Variants in SMG1 observed in about 807,000 individuals in gnomAD.
SMG1 encodes serine/threonine-protein kinase SMG1.
Under a neutral mutation model 419.9 loss-of-function variants are expected in SMG1, and 22 were observed. That is an observed-to-expected ratio of 0.05 (90% CI 0.04 to 0.07). SMG1 has a LOEUF of 0.07. SMG1 is among the 10% of genes least tolerant of loss of function. The pLI is 1.00. For missense variants in SMG1, 3,185 were observed against 4,342.0 expected, an observed-to-expected ratio of 0.73 and a Z score of 7.49; for synonymous variants, 1,538 against 1,553.5, an observed-to-expected ratio of 0.99 and a Z score of 0.23.
At chr16:18,810,795 T>G (rs569507364) in intron 62 of SMG1, among the ~76,000 whole-genome samples, 1 of 152,290 alleles carries the variant, frequency 6.6e-6, no homozygotes, top group South Asian at 2.1e-4. Flanking sequence ...GCTACAGTAT[T>G]ATAGTATTTT....
Position 18,806,145 on chromosome 16 carries a change from C to T in SMG1, c.*3424G>A, listed in dbSNP as rs546072820. 4.6e-5 allele frequency: 7 copies of T among 152,596 alleles called. No homozygotes were observed. Among genetic ancestry groups the T allele is most frequent in the Admixed American group, 3.9e-4 (6 of 15,286 alleles). 9.5% of individuals were successfully genotyped at this position (152,596 alleles called of 1,614,324 possible). On this transcript the variant is annotated 3_prime_UTR_variant, in exon 63 of 63. Coordinates refer to ENST00000446231, the MANE Select transcript of SMG1 (RefSeq NM_015092.5). ...TTGGCTGTACTTGCATTGCCCTGCT[C>T]GGCATTTTTAAAAAATGGCTCTTTC...
At chr16:18,844,096 G>C (rs943019741) in intron 39 of SMG1, among the ~76,000 whole-genome samples, 1 of 151,528 alleles carries the variant, frequency 6.6e-6, no homozygotes, top group Non-Finnish European at 1.5e-5. Context: ...TTGATTTACT[G>C]AAAGGGAAAC....
chr16:18,845,475 G>A lies in SMG1; in HGVS notation c.6173C>T (p.Pro2058Leu), dbSNP rs1596507691. 2.5e-6 allele frequency: 4 copies of A among 1,613,880 alleles called. No individual in the cohort carries two copies. In the East Asian group the frequency reaches 6.7e-5, roughly 27 times the overall value. The change falls in exon 39 of 63, where the codon CCA (proline) becomes CTA (leucine). Residue 2058 changes from proline to leucine, a missense_variant. By Grantham distance (98) the Pro-to-Leu change is moderately conservative. Around this residue, in one of 27 missense-constraint regions of SMG1, gnomAD observed 159 missense variants for 196.0 expected, o/e 0.81. Coordinates refer to ENST00000446231, the MANE Select transcript of SMG1 (RefSeq NM_015092.5). ...GCTCCCAGGCTTTGCAGGGTTCAAT[G>A]GAGTCTTCAGTTTTTCTAGGGCATT... The part of the protein sequence containing the change: ...IENALEKLKT[P>L]LNPAKPGSSW...
chr16:18,880,290 C>T (rs2036323356), intron 10 of SMG1, among the ~76,000 whole-genome samples: 1 of 152,076 alleles, frequency 6.6e-6, no homozygotes, highest in Admixed American at 6.6e-5. Context: ...CTATAATGGC[C>T]AATAATTGTG....
intron 1 of SMG1, among the ~76,000 whole-genome samples, chr16:18,897,276 T>G (rs2037169472): frequency 6.6e-6 from 1 of 152,206 alleles, no homozygotes; most frequent in South Asian, 2.1e-4. Context: ...ACAGAACAAT[T>G]GGTTACTCTG....
chr16:18,882,403 T>C (rs1173266285), intron 9 of SMG1, 65 bp from the exon 10 acceptor site: 4 of 733,412 alleles, frequency 5.5e-6, no homozygotes, highest in Non-Finnish European at 8.1e-6. Context: ...AAAAAAAAAC[T>C]CTAAAATATT....
chr16:18,829,940 GA>G lies in SMG1; in HGVS notation c.9118del (p.Ser3040LeufsTer16). On this transcript the variant is annotated frameshift_variant, in exon 53 of 63. Coordinates refer to ENST00000446231, the MANE Select transcript of SMG1 (RefSeq NM_015092.5). LOFTEE classifies it high-confidence loss of function. ...TAGAATATTACCTGACAATGTTTTA[GA>G]AAAGGTACCACAGAGCCTGAAGAAC... Reference protein sequence around the residue: ...KEFFRLCGTFSKTLSGSSSLE... With the variant: ...KEFFRLCGTFXKTLSGSSSLE... 4 of 1,554,176 alleles carry G rather than the reference GA, an allele frequency of 2.6e-6. No individual in the cohort carries two copies. The highest frequency in any genetic ancestry group is 2.1e-5 in the Admixed American group (1 of 47,594).
Position 18,850,401 on chromosome 16 carries a change from T to A in SMG1, c.5119A>T (p.Ile1707Phe). Residue 1707 changes from isoleucine (I) to phenylalanine (F), a missense_variant, in exon 34 of 63, where the codon ATC becomes TTC. Physicochemically the swap from Ile to Phe is conservative, Grantham distance 21. Around this residue, in one of 27 missense-constraint regions of SMG1, gnomAD observed 493 missense variants for 552.9 expected, o/e 0.89. Coordinates refer to ENST00000446231, the MANE Select transcript of SMG1 (RefSeq NM_015092.5). ...CAGCTTGATATCAACTGACGCCAGATAACATCAACCATGTCATCTTCTTCG... is the reference window on the plus strand; with the variant it reads ...CAGCTTGATATCAACTGACGCCAGAAAACATCAACCATGTCATCTTCTTCG... ...DNEEDDMVDV[I>F]WRQLISSCPW... 6.2e-7 allele frequency: 1 copy of A among 1,613,966 alleles called. No individual in the cohort carries two copies.
chr16:18,844,705 T>G (rs1191832844), intron 39 of SMG1, among the ~76,000 whole-genome samples: 1 of 151,828 alleles, frequency 6.6e-6, no homozygotes, highest in African/African-American at 2.4e-5. Context: ...TTGGCTGTAC[T>G]TTTTGTTTCT....
chr16:18,926,031 C>A lies in SMG1; in HGVS notation c.11G>T (p.Arg4Ile). MSR[R>I]APGSRLSSGG... is the part of the protein sequence containing the mutation. Reference sequence around the variant, plus strand: ...GCTGCTCAGCCGAGACCCCGGGGCTCTGCGGCTCATTACCTTCCCCGACAC... The same window carrying A: ...GCTGCTCAGCCGAGACCCCGGGGCTATGCGGCTCATTACCTTCCCCGACAC... Residue 4 changes from arginine (R) to isoleucine (I), a missense_variant, in exon 1 of 63, where the codon AGA becomes ATA. Physicochemically the swap from Arg to Ile is moderately conservative, Grantham distance 97. Around this residue, in one of 27 missense-constraint regions of SMG1, gnomAD observed 88 missense variants for 85.9 expected, o/e 1.02. Coordinates refer to ENST00000446231, the MANE Select transcript of SMG1 (RefSeq NM_015092.5). 6.4e-7 allele frequency: 1 copy of A among 1,574,056 alleles called. No homozygotes were observed. Among genetic ancestry groups the A allele is most frequent in the East Asian group, 2.4e-5 (1 of 41,820 alleles).
chr16:18,879,291 T>C (rs1207854383), intron 11 of SMG1: 2 of 553,720 alleles, frequency 3.6e-6, no homozygotes, highest in African/African-American at 3.8e-5. Context: ...AATTTTTGAC[T>C]TTTTGTACAG....
At chr16:18,836,631 C>T (rs537289954) in intron 46 of SMG1, 99 bp from the exon 47 acceptor site, 55 of 1,281,206 alleles carry the variant, frequency 4.3e-5, no homozygotes, top group South Asian at 1.3e-4. Context: ...CTGTCTGGTA[C>T]GCTCCTTGTT....
intron 7 of SMG1, 170 bp from the exon 8 acceptor site, chr16:18,885,332 T>G (rs1273542103): frequency 1.5e-6 from 1 of 687,470 alleles, no homozygotes; most frequent in African/African-American, 1.8e-5. Context: ...GAACTACATT[T>G]CTGACAACAA....
At chr16:18,903,827 T>C (rs2037444265) in intron 1 of SMG1, among the ~76,000 whole-genome samples, 1 of 152,042 alleles carries the variant, frequency 6.6e-6, no homozygotes, top group African/African-American at 2.4e-5. Context: ...CATCTGCACA[T>C]ACAGCTTTTC....
Position 18,805,630 on chromosome 16 carries a change from A to C in SMG1, c.*3939T>G, listed in dbSNP as rs1387512292. 1 of 152,164 alleles carries C rather than the reference A, an allele frequency of 6.6e-6. No individual in the cohort carries two copies. Among genetic ancestry groups the C allele is most frequent in the Non-Finnish European group, 1.5e-5 (1 of 68,034 alleles). 9.4% of individuals were successfully genotyped at this position (152,164 alleles called of 1,614,324 possible). ...TTTCCCCTCCCCAACGTTTGGAAAA[A>C]ATTGGGACACTTGCTAGTTCTTCCC... On this transcript the variant is annotated 3_prime_UTR_variant, in exon 63 of 63. Transcript: ENST00000446231.
chr16:18,813,973 G>A (rs1188548022), intron 60 of SMG1, among the ~76,000 whole-genome samples: 1 of 141,786 alleles, frequency 7.1e-6, no homozygotes, highest in Non-Finnish European at 1.5e-5. Flanking sequence ...GGAAGTTGCA[G>A]TGAGCCAAGA....
chr16:18,913,423 A>T (rs1431652530), intron 1 of SMG1, among the ~76,000 whole-genome samples: 1 of 152,114 alleles, frequency 6.6e-6, no homozygotes, highest in Non-Finnish European at 1.5e-5. Context: ...GCTAAAGGGA[A>T]CAGAGTAAAG....
At chr16:18,920,289 G>A (rs2038145834) in intron 1 of SMG1, among the ~76,000 whole-genome samples, 1 of 151,580 alleles carries the variant, frequency 6.6e-6, no homozygotes, top group African/African-American at 2.4e-5. Flanking sequence ...GGCTGAGACA[G>A]GAAAATCGCT....
intron 1 of SMG1, among the ~76,000 whole-genome samples, chr16:18,909,607 G>C (rs889469281): frequency 6.6e-6 from 1 of 152,054 alleles, no homozygotes; most frequent in African/African-American, 2.4e-5. Flanking sequence ...AATTTTAAAC[G>C]TCAATTTAAT....
Sources: gnomAD v4.1 joint callset for allele counts (sites outside exome capture counted in the v4.1 genomes callset) on GRCh38, gnomAD v4.1.1 for gene constraint, gnomAD v4.1.1 regional missense constraint, MANE v1.5 for transcripts, NCBI Gene and HGNC (gene_info 2026-07-23, HGNC 2026-07-21) for gene names.